The following NR1I2 variants were observed in gnomAD, a reference collection of about 807,000 sequenced individuals.
The protein encoded by NR1I2 is orphan nuclear receptor PAR1.
In NR1I2, 42 loss-of-function variants were observed where a neutral mutation model predicts 43.3. The ratio of observed to expected loss-of-function variants is 0.97; its 90% CI spans 0.76 to 1.26. The LOEUF is 1.26. Ranked by LOEUF, NR1I2 falls within the 50% of genes most tolerant of loss-of-function variation. The pLI is 0.00. For missense variants in NR1I2, 559 were observed against 566.7 expected, an observed-to-expected ratio of 0.99 and a Z score of 0.14; for synonymous variants, 229 against 215.0, an observed-to-expected ratio of 1.06 and a Z score of -0.57.
intron 1 of NR1I2, among the ~76,000 whole-genome samples, chr3:119,785,300 A>T (rs2054829811): frequency 6.6e-6 from 1 of 152,158 alleles, no homozygotes; most frequent in Admixed American, 6.5e-5. Flanking sequence ...ACTTGTTGAG[A>T]TTGAAATTGT....
intron 1 of NR1I2, chr3:119,782,843 C>T (rs764039182): frequency 8.1e-6 from 13 of 1,613,784 alleles, no homozygotes; most frequent in Non-Finnish European, 1.1e-5. Context: ...GCTGAGTTGG[C>T]TTCAAACCAG....
At chr3:119,786,814 G>T (rs1356064610) in intron 1 of NR1I2, among the ~76,000 whole-genome samples, 1 of 151,706 alleles carries the variant, frequency 6.6e-6, no homozygotes, top group African/African-American at 2.4e-5. Flanking sequence ...GGCTATCTGA[G>T]TTTCCTCTGG....
At chr3:119,815,584 A>G in intron 7 of NR1I2, 142 bp from the exon 8 acceptor site, 2 of 1,011,602 alleles carry the variant, frequency 2.0e-6, no homozygotes, top group Non-Finnish European at 3.1e-6. Context: ...TCAGTGGGTG[A>G]TGCCCAGCCC....
In NR1I2 at chr3:119,811,726, G is replaced by C. The variant is rs751356643; in HGVS notation, c.519G>C (p.Arg173=). 6.2e-7 allele frequency: 1 copy of C among 1,605,226 alleles called. No individual in the cohort carries two copies. Among genetic ancestry groups the C allele is most frequent in the African/African-American group, 1.3e-5 (1 of 74,726 alleles). The change falls in exon 4 of 9, where the codon CGG becomes CGC. Residue 173 remains arginine (R), a splice_region_variant and synonymous_variant. Transcript: ENST00000393716. Reference sequence around the variant, plus strand: ...CCTTCTCCCATTTCAAGAATTTCCGGGTAGGAGGAACTGCACAGTGACCCG... The same window carrying C: ...CCTTCTCCCATTTCAAGAATTTCCGCGTAGGAGGAACTGCACAGTGACCCG...
chr3:119,806,024 T>A (rs866412080), intron 1 of NR1I2, among the ~76,000 whole-genome samples: 1 of 152,318 alleles, frequency 6.6e-6, no homozygotes, highest in African/African-American at 2.4e-5. Flanking sequence ...AACTGTCAGA[T>A]GTCACCTGTC....
At position 119,817,948 on chromosome 3, in the gene NR1I2, A is replaced by G. The variant is rs1167313789; in HGVS notation, c.*736A>G. The G allele has an allele frequency of 1.0e-6, 1 of 985,066 alleles. No individual in the cohort carries two copies. Among genetic ancestry groups the G allele is most frequent in the Non-Finnish European group, 1.2e-6 (1 of 829,730 alleles). 61.0% of individuals were successfully genotyped at this position (985,066 alleles called of 1,614,324 possible). ...CTGAGCTCACAGAGTTTATAGTTAA[A>G]AAAACAAACAGAAACACAAACGATT... is the stretch of plus-strand genomic sequence containing the variant. On this transcript the variant is annotated 3_prime_UTR_variant, in exon 9 of 9. Coordinates refer to ENST00000393716, the MANE Select transcript of NR1I2 (RefSeq NM_003889.4).
At position 119,810,054 on chromosome 3, in the gene NR1I2, C is replaced by G; in HGVS notation, c.198-7C>G. 1 of 1,613,814 alleles carries G rather than the reference C, an allele frequency of 6.2e-7. No individual in the cohort carries two copies. The highest frequency in any genetic ancestry group is 8.5e-7 in the Non-Finnish European group (1 of 1,179,924). ...CATCCCCCCTTCTGCTCCCCATTCT[C>G]TCACAGGAGGGCCATGAAACGCAAC... On this transcript the variant is annotated splice_region_variant and splice_polypyrimidine_tract_variant and intron_variant, in intron 2 of 8. Transcript: ENST00000393716.
chr3:119,805,163 C>A (rs2055134125), intron 1 of NR1I2, among the ~76,000 whole-genome samples: 1 of 150,530 alleles, frequency 6.6e-6, no homozygotes, highest in Non-Finnish European at 1.5e-5. Context: ...ATGTCTTCAA[C>A]CTCTCGTACT....
At chr3:119,789,684 C>T (rs914135852) in intron 1 of NR1I2, among the ~76,000 whole-genome samples, 2 of 152,190 alleles carry the variant, frequency 1.3e-5, no homozygotes, top group Non-Finnish European at 2.9e-5. Flanking sequence ...TGCTTCTCCT[C>T]CTCACAACTT....
Position 119,817,145 on chromosome 3 carries a change from G to C in NR1I2, c.1238G>C (p.Arg413Pro). The stretch of plus-strand genomic sequence containing the variant: ...GCTCAGCACACCCAGCGGCTGCTGC[G>C]CATCCAGGACATACACCCCTTTGCT... Residue 413 changes from arginine to proline, a missense_variant, in exon 9 of 9, where the codon CGC becomes CCC. Physicochemically the swap from Arg to Pro is moderately radical, Grantham distance 103. Around this residue, in one of 3 missense-constraint regions of NR1I2, gnomAD observed 323 missense variants for 312.2 expected, o/e 1.03. Transcript: ENST00000393716. The C allele has an allele frequency of 4.3e-6, 7 of 1,614,138 alleles. No homozygotes were observed. The highest frequency in any genetic ancestry group is 5.9e-6 in the Non-Finnish European group (7 of 1,180,014).
At chr3:119,802,006 G>A (rs1419054377) in intron 1 of NR1I2, among the ~76,000 whole-genome samples, 1 of 152,186 alleles carries the variant, frequency 6.6e-6, no homozygotes, top group East Asian at 1.9e-4. Context: ...AAGCTACCAG[G>A]CTTCTTATAG....
At chr3:119,809,827 G>T (rs1415673386) in intron 2 of NR1I2, among the ~76,000 whole-genome samples, 1 of 152,110 alleles carries the variant, frequency 6.6e-6, no homozygotes, top group Admixed American at 6.5e-5. Flanking sequence ...ATTTCCTGCC[G>T]GAATGGCCAG....
At chr3:119,805,433 G>A (rs537939016) in intron 1 of NR1I2, among the ~76,000 whole-genome samples, 12 of 152,280 alleles carry the variant, frequency 7.9e-5, no homozygotes, top group African/African-American at 2.6e-4. Flanking sequence ...GCTCACGCCT[G>A]TAATCCCAGC....
chr3:119,810,644 T>C (rs530310557), intron 3 of NR1I2: 1 of 182,648 alleles, frequency 5.5e-6, no homozygotes, highest in Non-Finnish European at 1.2e-5. Flanking sequence ...ATAGGGGAAC[T>C]GTTTGCAGAC....
At chr3:119,782,621 G>C in intron 1 of NR1I2, 1 of 662,210 alleles carries the variant, frequency 1.5e-6, no homozygotes, top group South Asian at 1.7e-5. Flanking sequence ...TACAGGGCTG[G>C]AGTCCCTGGA....
At chr3:119,806,439 C>T (rs934804429) in intron 1 of NR1I2, among the ~76,000 whole-genome samples, 11 of 152,110 alleles carry the variant, frequency 7.2e-5, no homozygotes, top group Admixed American at 1.3e-4. Context: ...CTCACACCAT[C>T]GATCTTGGCT....
Position 119,817,389 on chromosome 3 carries a change from G to GC in NR1I2, c.*183dup, listed in dbSNP as rs968500232. 7 of 1,481,886 alleles carry GC rather than the reference G, an allele frequency of 4.7e-6. No individual in the cohort carries two copies. Among genetic ancestry groups the GC allele is most frequent in the South Asian group, 1.3e-5 (1 of 75,862 alleles). The allele number at this position is 1,481,886 out of a possible 1,614,324, so 91.8% of individuals were successfully genotyped here. On this transcript the variant is annotated 3_prime_UTR_variant, in exon 9 of 9. Transcript: ENST00000393716. ...AGCATTCCTCAGGAAGGACATGGGTGCCCCCCACCCCCAGTTCAGTCTGTA... is the reference window on the plus strand; with the variant it reads ...AGCATTCCTCAGGAAGGACATGGGTGCCCCCCCACCCCCAGTTCAGTCTGTA...
intron 1 of NR1I2, among the ~76,000 whole-genome samples, chr3:119,790,363 G>A (rs1393207263): frequency 6.6e-6 from 1 of 152,118 alleles, no homozygotes; most frequent in Non-Finnish European, 1.5e-5. Flanking sequence ...GTGCTGCTGT[G>A]AACATCAGTG....
chr3:119,792,627 TG>T lies in NR1I2; in HGVS notation c.-23+10328del, dbSNP rs2054937205. ...GTGATTCTTAACACTGCCTTCCTTC[TG>T]CCTCCACTCCAGAAATCACTGTGAA... On this transcript the variant is annotated intron_variant, in intron 1 of 8. Coordinates refer to ENST00000393716, the MANE Select transcript of NR1I2 (RefSeq NM_003889.4). 1.4e-5 allele frequency: 8 copies of T among 589,640 alleles called. No individual in the cohort carries two copies. The East Asian group carries it at 2.4e-4, about 18-fold the overall frequency. 36.5% of individuals were successfully genotyped at this position (589,640 alleles called of 1,614,324 possible).
Sources: allele counts gnomAD v4.1 joint callset (sites outside exome capture counted in the v4.1 genomes callset), GRCh38; gene constraint gnomAD v4.1.1; regional missense constraint gnomAD v4.1.1; transcripts MANE v1.5; gene names NCBI Gene and HGNC (gene_info 2026-07-23, HGNC 2026-07-21).